DLGAP1: variants seen among roughly 807,000 people sequenced by gnomAD.
The protein encoded by DLGAP1 is DLG associated protein 1.
Under a neutral mutation model 90.8 loss-of-function variants are expected in DLGAP1, and 11 were observed. That is an observed-to-expected ratio of 0.12 (90% confidence interval 0.08 to 0.20). The LOEUF is 0.20. Ranked by LOEUF, DLGAP1 falls within the 10% of genes least tolerant of loss-of-function variation. The pLI is 1.00. For synonymous variants in DLGAP1, 558 were observed against 540.7 expected, an observed-to-expected ratio of 1.03 and a Z score of -0.44; for missense variants, 1,050 against 1,333.8, an observed-to-expected ratio of 0.79 and a Z score of 3.31.
chr18:4,225,248 T>C (rs1282637144), intron 1 of DLGAP1, among the ~76,000 whole-genome samples: 1 of 152,136 alleles, frequency 6.6e-6, no homozygotes, highest in Non-Finnish European at 1.5e-5. Context: ...TGCCACTTAA[T>C]GCAGTTATGG....
chr18:3,919,260 T>C (rs1051148604), intron 3 of DLGAP1, among the ~76,000 whole-genome samples: 1 of 152,206 alleles, frequency 6.6e-6, no homozygotes, highest in African/African-American at 2.4e-5. Flanking sequence ...ATGGGCAAAT[T>C]TGTAACCCTT....
chr18:3,532,910 C>T (rs1008302903), intron 10 of DLGAP1, among the ~76,000 whole-genome samples: 1 of 152,112 alleles, frequency 6.6e-6, no homozygotes, highest in Non-Finnish European at 1.5e-5. Flanking sequence ...GATTATTTTT[C>T]TTTTTCAACT....
At chr18:4,273,976 T>C (rs1488019706) in intron 1 of DLGAP1, among the ~76,000 whole-genome samples, 3 of 152,166 alleles carry the variant, frequency 2.0e-5, no homozygotes, top group East Asian at 3.8e-4. Context: ...TTTAGTTTCA[T>C]TGATTTTTAC....
chr18:4,403,350 T>A (rs1429034822), intron 1 of DLGAP1, among the ~76,000 whole-genome samples: 1 of 152,242 alleles, frequency 6.6e-6, no homozygotes, highest in Non-Finnish European at 1.5e-5. Flanking sequence ...GAAAATGCAA[T>A]GTAATTTTAC....
At chr18:4,447,734 T>C in intron 1 of DLGAP1, among the ~76,000 whole-genome samples, 1 of 152,144 alleles carries the variant, frequency 6.6e-6, no homozygotes, top group East Asian at 1.9e-4. Flanking sequence ...AGTCAAATAT[T>C]GCTTGAAAAT....
chr18:3,804,134 G>A (rs1049793127), intron 5 of DLGAP1, among the ~76,000 whole-genome samples: 1 of 151,622 alleles, frequency 6.6e-6, no homozygotes, highest in Non-Finnish European at 1.5e-5. Context: ...ACAGGCGCAC[G>A]CCACCACACC....
At chr18:3,946,816 T>A (rs2072886796) in intron 3 of DLGAP1, among the ~76,000 whole-genome samples, 1 of 152,314 alleles carries the variant, frequency 6.6e-6, no homozygotes, top group South Asian at 2.1e-4. Context: ...ACTGCTAAAA[T>A]TCACCTTGAA....
chr18:3,814,262 A>G lies in DLGAP1; in HGVS notation c.969T>C (p.Asp323=), dbSNP rs1023182036. The G allele has an allele frequency of 1.9e-6, 3 of 1,613,796 alleles. No individual in the cohort carries two copies. The highest frequency in any genetic ancestry group is 2.5e-6 in the Non-Finnish European group (3 of 1,180,000). The change falls in exon 5 of 13, where the codon GAT becomes GAC. Residue 323 remains aspartate (D), a synonymous_variant. Transcript: ENST00000315677. ...CTCGTGGGGTGTACCCTGTCCATTC[A>G]TCTTGTGGAACCTATTCAGATAGAA... ...RSCQYLQVPQ[D]EWTGYTPRGK...
chr18:4,037,796 CCAAAGATA>C (rs1401834711), intron 2 of DLGAP1, among the ~76,000 whole-genome samples: 1 of 152,134 alleles, frequency 6.6e-6, no homozygotes, highest in Admixed American at 6.5e-5. Flanking sequence ...CCCATCTCTA[CCAAAGATA>C]CAAAAATTGG....
intron 5 of DLGAP1, among the ~76,000 whole-genome samples, chr18:3,758,283 A>T (rs1012638204): frequency 6.6e-6 from 1 of 152,182 alleles, no homozygotes; most frequent in Non-Finnish European, 1.5e-5. Flanking sequence ...ACACTGCACA[A>T]TAAGTCTTGG....
intron 1 of DLGAP1, among the ~76,000 whole-genome samples, chr18:4,268,557 T>C (rs2079183272): frequency 6.6e-6 from 1 of 152,228 alleles, no homozygotes; most frequent in Admixed American, 6.5e-5. Flanking sequence ...TTCTATTTTC[T>C]AGTTTTAACA....
intron 2 of DLGAP1, among the ~76,000 whole-genome samples, chr18:4,094,756 C>T (rs1318815981): frequency 2.6e-5 from 4 of 152,002 alleles, no homozygotes; most frequent in African/African-American, 9.6e-5. Flanking sequence ...CGCCACCATG[C>T]CTGGCTAGTT....
chr18:3,732,393 A>G (rs8083021), intron 6 of DLGAP1, among the ~76,000 whole-genome samples: 12,839 of 152,260 alleles, frequency 0.084, 1,727 homozygotes, highest in African/African-American at 0.28. Flanking sequence ...GCAATATTCT[A>G]TAATTACTTT....
intron 5 of DLGAP1, among the ~76,000 whole-genome samples, chr18:3,752,461 G>A (rs1326470450): frequency 6.6e-6 from 1 of 151,588 alleles, no homozygotes; most frequent in Non-Finnish European, 1.5e-5. Context: ...GTGGCCTTTG[G>A]TATCTGTCTT....
At chr18:4,410,331 A>G (rs1317979967) in intron 1 of DLGAP1, among the ~76,000 whole-genome samples, 3 of 152,220 alleles carry the variant, frequency 2.0e-5, no homozygotes, top group African/African-American at 7.2e-5. Context: ...GAAAAATTCA[A>G]TAAGTCTAGC....
rs2080328076 is a variant in DLGAP1 at position 4,308,813 on chromosome 18, C to T, written c.-267+146193G>A. Among the ~76,000 whole-genome samples, 6 of 152,192 alleles carry T rather than the reference C, an allele frequency of 3.9e-5. No homozygotes were observed. In the South Asian group the frequency reaches 1.2e-3, roughly 32 times the overall value. ...CTCAGGCGAAGAAGCTGCTATTCTACCCTTTGCCAAATAAAATGAACTTCA... is the reference window on the plus strand; with the variant it reads ...CTCAGGCGAAGAAGCTGCTATTCTATCCTTTGCCAAATAAAATGAACTTCA... On this transcript the variant is annotated intron_variant, in intron 1 of 12. Transcript: ENST00000315677.
intron 1 of DLGAP1, among the ~76,000 whole-genome samples, chr18:4,209,225 G>A (rs976397764): frequency 1.3e-5 from 2 of 152,112 alleles, no homozygotes; most frequent in Non-Finnish European, 2.9e-5. Flanking sequence ...GGTTATGGCG[G>A]TGGTGATTCT....
At chr18:3,822,922 G>T (rs1211092082) in intron 4 of DLGAP1, among the ~76,000 whole-genome samples, 1 of 152,154 alleles carries the variant, frequency 6.6e-6, no homozygotes, top group Non-Finnish European at 1.5e-5. Context: ...GAGGTGAGAG[G>T]ATCACTTGAA....
intron 7 of DLGAP1, among the ~76,000 whole-genome samples, chr18:3,587,825 G>A (rs979886994): frequency 1.3e-5 from 2 of 152,096 alleles, no homozygotes; most frequent in Non-Finnish European, 1.5e-5. Context: ...ATGAGGGTCC[G>A]CGGCTTCATT....
Sources: allele counts gnomAD v4.1 joint callset (sites outside exome capture counted in the v4.1 genomes callset), GRCh38; gene constraint gnomAD v4.1.1; transcripts MANE v1.5; gene names NCBI Gene and HGNC (gene_info 2026-07-23, HGNC 2026-07-21).